Variants in WBP1L observed in about 807,000 individuals in gnomAD.
WBP1L encodes the protein WW domain binding protein 1-like.
A neutral mutation model predicts 33.7 loss-of-function variants in WBP1L; 17 were observed. The observed-to-expected ratio is 0.50, with a 90% CI of 0.34 to 0.76. WBP1L has a LOEUF of 0.76. Among genes scored for constraint, WBP1L ranks in the 30% least tolerant of loss-of-function variants. The probability of loss-of-function intolerance (pLI) is 0.01; values close to 1 mark genes in which losing one functional copy is unlikely to be tolerated. For synonymous variants in WBP1L, 173 were observed against 190.8 expected (o/e 0.91, Z 0.77); for missense variants, 389 against 469.4 (o/e 0.83, Z 1.58).
chr10:102,766,969 A>G (rs574814836), intron 1 of WBP1L, among the ~76,000 whole-genome samples: 1 of 152,334 alleles, frequency 6.6e-6, no homozygotes, highest in South Asian at 2.1e-4. Flanking sequence ...GTATCTGGAG[A>G]TAGCTATGAG....
chr10:102,790,033 C>A (rs533582390), intron 1 of WBP1L, among the ~76,000 whole-genome samples: 1 of 152,054 alleles, frequency 6.6e-6, no homozygotes, highest in African/African-American at 2.4e-5. Context: ...CCACCACGCC[C>A]GGCCGAAATT....
In WBP1L at chr10:102,813,666, G is replaced by T. The variant is rs907462976; in HGVS notation, c.*335G>T. Reference sequence around the variant, plus strand: ...GTTTTAAAAGCCCCCAAGGAAGGAGGCTGGGACTGTGCCCTGACATGATTC... The same window carrying T: ...GTTTTAAAAGCCCCCAAGGAAGGAGTCTGGGACTGTGCCCTGACATGATTC... On this transcript the variant is annotated 3_prime_UTR_variant, in exon 4 of 4. Transcript: ENST00000448841. The T allele has an allele frequency of 3.1e-6, 1 of 321,038 alleles. No homozygotes were observed. Among genetic ancestry groups the T allele is most frequent in the Non-Finnish European group, 5.8e-6 (1 of 172,738 alleles). 19.9% of individuals were successfully genotyped at this position (321,038 alleles called of 1,614,324 possible).
chr10:102,753,001 T>G (rs185919107), intron 1 of WBP1L, among the ~76,000 whole-genome samples: 26 of 152,340 alleles, frequency 1.7e-4, no homozygotes, highest in African/African-American at 6.0e-4. Context: ...ACCCATACCC[T>G]TGAGAGGACC....
intron 2 of WBP1L, among the ~76,000 whole-genome samples, chr10:102,806,983 G>A (rs111496314): frequency 0.014 from 2,098 of 152,254 alleles, 21 homozygotes; most frequent in Middle Eastern, 0.034. Context: ...TTTTGTGGGG[G>A]AGGGAGGCAT....
chr10:102,797,584 G>A (rs1261509172), intron 1 of WBP1L, among the ~76,000 whole-genome samples: 1 of 151,592 alleles, frequency 6.6e-6, no homozygotes, highest in Non-Finnish European at 1.5e-5. Flanking sequence ...ATGGAGTCTC[G>A]CTCTGTCGCC....
At chr10:102,810,128 G>T (rs572680994) in intron 3 of WBP1L, 74 bp downstream of exon 3, 16 of 1,529,320 alleles carry the variant, frequency 1.0e-5, no homozygotes, top group Non-Finnish European at 1.4e-5. Context: ...ACTGAATATT[G>T]GTGGCCAGGC....
chr10:102,810,725 C>G (rs1455082319), intron 3 of WBP1L, among the ~76,000 whole-genome samples: 1 of 151,882 alleles, frequency 6.6e-6, no homozygotes, highest in Non-Finnish European at 1.5e-5. Flanking sequence ...CACCACCACA[C>G]CCAGCTAATT....
chr10:102,793,055 G>C (rs770296916), intron 1 of WBP1L, among the ~76,000 whole-genome samples: 6 of 152,106 alleles, frequency 3.9e-5, no homozygotes, highest in South Asian at 2.1e-4. Flanking sequence ...TTTTATCTGC[G>C]TAAGTATTTT....
Position 102,794,972 on chromosome 10 carries a change from C to G in WBP1L, c.91-3021C>G, listed in dbSNP as rs1843554810. Among the ~76,000 whole-genome samples the G allele has an allele frequency of 3.9e-5, 6 of 152,216 alleles. No homozygotes were observed. The South Asian group carries it at 1.2e-3, about 32-fold the overall frequency. ...TGACAGTTCCCATAACCAAGACTAT[C>G]CCAGGCAGCTCAGGGACTCTGTATT... is the stretch of plus-strand genomic sequence containing the variant. On this transcript the variant is annotated intron_variant, in intron 1 of 3. Transcript: ENST00000448841.
intron 2 of WBP1L, among the ~76,000 whole-genome samples, chr10:102,802,258 C>G (rs1843668520): frequency 6.7e-6 from 1 of 149,830 alleles, no homozygotes; most frequent in South Asian, 2.1e-4. Context: ...CCTCCTGCCT[C>G]AGCCACTTAA....
intron 2 of WBP1L, 122 bp from the exon 3 acceptor site, chr10:102,809,771 G>C (rs1843801517): frequency 9.1e-7 from 1 of 1,093,042 alleles, no homozygotes; most frequent in Non-Finnish European, 1.3e-6. Context: ...TTAACTGGGT[G>C]AGGCCCAGCC....
chr10:102,776,418 G>GT (rs1468160307), intron 1 of WBP1L: 1 of 1,614,178 alleles, frequency 6.2e-7, no homozygotes. Context: ...TCTTAGACAG[G>GT]TAATTGTTTC....
intron 1 of WBP1L, among the ~76,000 whole-genome samples, chr10:102,772,257 C>CTTTTTTTT (rs34766191): frequency 1.5e-4 from 9 of 61,032 alleles, no homozygotes; most frequent in South Asian, 7.8e-4. Context: ...TGCGCCCGGC[C>CTTTTTTTT]TTTTTTTTTT....
intron 2 of WBP1L, among the ~76,000 whole-genome samples, chr10:102,799,667 C>G (rs1843624263): frequency 6.6e-6 from 1 of 152,216 alleles, no homozygotes; most frequent in South Asian, 2.1e-4. Flanking sequence ...AAGCCCTCAT[C>G]ACTGCCTCCA....
intron 2 of WBP1L, among the ~76,000 whole-genome samples, chr10:102,799,015 C>T (rs368648785): frequency 5.9e-5 from 9 of 152,298 alleles, no homozygotes; most frequent in African/African-American, 9.6e-5. Context: ...TGTACCTAAC[C>T]TTTTACTGTC....
chr10:102,778,381 A>G (rs1843293876), intron 1 of WBP1L, among the ~76,000 whole-genome samples: 1 of 152,128 alleles, frequency 6.6e-6, no homozygotes, highest in Non-Finnish European at 1.5e-5. Context: ...AGACACTGTT[A>G]ATCTTATATA....
chr10:102,785,498 T>C (rs1048049118), intron 1 of WBP1L, among the ~76,000 whole-genome samples: 5 of 152,194 alleles, frequency 3.3e-5, no homozygotes, highest in African/African-American at 1.2e-4. Flanking sequence ...CAGCCCACTT[T>C]TTAAAAGTTG....
At chr10:102,763,207 C>CAAAAAAA (rs36003893) in intron 1 of WBP1L, among the ~76,000 whole-genome samples, 2 of 94,064 alleles carry the variant, frequency 2.1e-5, no homozygotes, top group Non-Finnish European at 2.0e-5. Context: ...ACTTTTGTCT[C>CAAAAAAA]AAAAAAAAAA....
At chr10:102,795,956 C>T (rs1843568161) in intron 1 of WBP1L, among the ~76,000 whole-genome samples, 1 of 152,072 alleles carries the variant, frequency 6.6e-6, no homozygotes. Flanking sequence ...TTGTGGTGGG[C>T]ATGGGATGGT....
Sources: gnomAD v4.1 joint callset for allele counts (sites outside exome capture counted in the v4.1 genomes callset) on GRCh38, gnomAD v4.1.1 for gene constraint, MANE v1.5 for transcripts, NCBI Gene and HGNC (gene_info 2026-07-23, HGNC 2026-07-21) for gene names.